Variants in GALNT17 observed in about 807,000 individuals in gnomAD.
GALNT17 encodes the protein UDP-GalNAc:polypeptide N-acetylgalactosaminyltransferase-like 3.
GALNT17 carries 29 observed loss-of-function variants against 63.7 expected under a neutral mutation model. That is an observed-to-expected ratio of 0.46 (90% CI 0.34 to 0.62). The LOEUF is 0.62. GALNT17 is among the 20% of genes least tolerant of loss of function. The pLI is 0.01. For missense variants in GALNT17, 603 were observed against 799.6 expected, an observed-to-expected ratio of 0.75 and a Z score of 2.97; for synonymous variants, 305 against 318.3, an observed-to-expected ratio of 0.96 and a Z score of 0.45.
chr7:71,415,000 C>T (rs1367421211), intron 3 of GALNT17, among the ~76,000 whole-genome samples: 1 of 151,252 alleles, frequency 6.6e-6, no homozygotes, highest in Non-Finnish European at 1.5e-5. Context: ...TTTTTAAATG[C>T]CTTTAGTTTT....
chr7:71,418,269 G>A (rs529689485), intron 4 of GALNT17, among the ~76,000 whole-genome samples: 51 of 152,142 alleles, frequency 3.4e-4, no homozygotes, highest in Non-Finnish European at 6.5e-4. Flanking sequence ...CCATTCAGAC[G>A]CATTTTCCAC....
At chr7:71,653,164 T>A (rs2204481) in intron 6 of GALNT17, among the ~76,000 whole-genome samples, 1 of 151,832 alleles carries the variant, frequency 6.6e-6, no homozygotes, top group Non-Finnish European at 1.5e-5. Flanking sequence ...TACAGGCACC[T>A]GCCACCACAC....
At chr7:71,594,538 C>T (rs371940270) in intron 6 of GALNT17, among the ~76,000 whole-genome samples, 1 of 152,066 alleles carries the variant, frequency 6.6e-6, no homozygotes, top group Admixed American at 6.6e-5. Context: ...GATCCGCCCA[C>T]CTCAGTCTCC....
At position 71,158,124 on chromosome 7, in the gene GALNT17, C is replaced by CT. The variant is rs71748616; in HGVS notation, c.238+25095dup. On this transcript the variant is annotated intron_variant, in intron 1 of 10. Coordinates refer to ENST00000333538, the MANE Select transcript of GALNT17 (RefSeq NM_022479.3). Reference sequence around the variant, plus strand: ...TATCTCTTTGATATATTGATTCCCCCTTTTTTTTTTTGGATCCATACTCAG... The same window carrying CT: ...TATCTCTTTGATATATTGATTCCCCCTTTTTTTTTTTTGGATCCATACTCAG... Among the ~76,000 whole-genome samples, 1,450 of 145,848 alleles carry CT rather than the reference C, an allele frequency of 9.9e-3. 38 individuals are homozygous for CT. The highest frequency in any genetic ancestry group is 0.03 in the African/African-American group (1,184 of 39,690).
intron 5 of GALNT17, among the ~76,000 whole-genome samples, chr7:71,559,464 A>G (rs554724097): frequency 6.6e-6 from 1 of 152,184 alleles, no homozygotes; most frequent in East Asian, 1.9e-4. Flanking sequence ...TTCTGCACTT[A>G]TTTGCATATG....
intron 2 of GALNT17, among the ~76,000 whole-genome samples, chr7:71,348,823 G>A (rs1325304316): frequency 6.6e-6 from 1 of 152,142 alleles, no homozygotes; most frequent in African/African-American, 2.4e-5. Flanking sequence ...TTGAGAGTTG[G>A]TACTTAAACA....
chr7:71,249,331 A>G (rs1048149518), intron 1 of GALNT17, among the ~76,000 whole-genome samples: 13 of 152,094 alleles, frequency 8.5e-5, no homozygotes, highest in African/African-American at 2.7e-4. Flanking sequence ...ATTTTGGGAG[A>G]CATGTCAGTG....
intron 6 of GALNT17, among the ~76,000 whole-genome samples, chr7:71,576,362 G>A (rs1439982577): frequency 1.3e-5 from 2 of 152,330 alleles, no homozygotes; most frequent in Middle Eastern, 3.4e-3. Flanking sequence ...TATTTTGGGT[G>A]TATATCCAGT....
chr7:71,533,272 G>A (rs912178566), intron 5 of GALNT17, among the ~76,000 whole-genome samples: 5 of 152,108 alleles, frequency 3.3e-5, no homozygotes, highest in African/African-American at 1.2e-4. Flanking sequence ...TAATAAATTA[G>A]GAAAGGAATC....
Position 71,134,768 on chromosome 7 carries a change from C to G in GALNT17, c.238+1728C>G, listed in dbSNP as rs557145136. Among the ~76,000 whole-genome samples the G allele has an allele frequency of 6.0e-5, 9 of 150,728 alleles. No homozygotes were observed. In the South Asian group the frequency reaches 1.9e-3, roughly 32 times the overall value. On this transcript the variant is annotated intron_variant, in intron 1 of 10. Transcript: ENST00000333538. ...ACCCATAGGAACTTCAAAGGTTAAC[C>G]TGGTTTCCCTCATCAGGCTTTTCTC...
intron 5 of GALNT17, among the ~76,000 whole-genome samples, chr7:71,496,917 T>TA (rs61150727): frequency 3.2e-4 from 46 of 145,356 alleles, no homozygotes; most frequent in South Asian, 6.5e-4. Flanking sequence ...ATACAAAAAT[T>TA]AAAAAAAAAA....
chr7:71,621,596 C>A (rs1790296656), intron 6 of GALNT17, among the ~76,000 whole-genome samples: 1 of 85,726 alleles, frequency 1.2e-5, no homozygotes, highest in African/African-American at 3.2e-5. Flanking sequence ...GATGGACAGA[C>A]AATGGATAAA....
chr7:71,443,726 T>TC (rs1787110355), intron 5 of GALNT17, among the ~76,000 whole-genome samples: 1 of 146,372 alleles, frequency 6.8e-6, no homozygotes, highest in African/African-American at 2.5e-5. Flanking sequence ...TCTGAGGTGT[T>TC]CCTTTTTTTT....
intron 5 of GALNT17, among the ~76,000 whole-genome samples, chr7:71,450,912 C>A (rs1384915120): frequency 7.8e-6 from 1 of 128,938 alleles, no homozygotes; most frequent in African/African-American, 3.0e-5. Flanking sequence ...GATTGCATGG[C>A]GTTTTTCTTT....
intron 1 of GALNT17, among the ~76,000 whole-genome samples, chr7:71,323,672 G>A (rs1226447796): frequency 3.9e-5 from 6 of 152,116 alleles, no homozygotes; most frequent in Admixed American, 6.5e-5. Context: ...ATGAAACGGC[G>A]CTTACCCATT....
At chr7:71,360,792 GC>G (rs1450404593) in intron 2 of GALNT17, among the ~76,000 whole-genome samples, 3 of 152,090 alleles carry the variant, frequency 2.0e-5, no homozygotes, top group Non-Finnish European at 4.4e-5. Flanking sequence ...ACAAAAATTA[GC>G]TGGGTATGGT....
chr7:71,712,283 A>G lies in GALNT17; in HGVS notation c.*137A>G. The stretch of plus-strand genomic sequence containing the variant: ...GGGCCCCCCAGGGCTTCTCCAGGGC[A>G]GCACAGGGACCCCGGATGAAGACTC... On this transcript the variant is annotated 3_prime_UTR_variant, in exon 11 of 11. Coordinates refer to ENST00000333538, the MANE Select transcript of GALNT17 (RefSeq NM_022479.3). 8.1e-7 allele frequency: 1 copy of G among 1,227,972 alleles called. No individual in the cohort carries two copies. The highest frequency in any genetic ancestry group is 1.1e-6 in the Non-Finnish European group (1 of 911,838). The allele number at this position is 1,227,972 out of a possible 1,614,324, so 76.1% of individuals were successfully genotyped here.
At chr7:71,587,361 A>G (rs973768132) in intron 6 of GALNT17, among the ~76,000 whole-genome samples, 10 of 152,122 alleles carry the variant, frequency 6.6e-5, no homozygotes, top group Admixed American at 3.9e-4. Flanking sequence ...GTACTTCAGT[A>G]TGGTTTTAAT....
intron 5 of GALNT17, among the ~76,000 whole-genome samples, chr7:71,543,286 C>T (rs938809297): frequency 1.1e-4 from 16 of 152,062 alleles, no homozygotes; most frequent in African/African-American, 3.6e-4. Flanking sequence ...GTCTTGCTTC[C>T]CAATGTGCTA....
Sources: gnomAD v4.1 joint callset for allele counts (sites outside exome capture counted in the v4.1 genomes callset) on GRCh38, gnomAD v4.1.1 for gene constraint, MANE v1.5 for transcripts, NCBI Gene and HGNC (gene_info 2026-07-23, HGNC 2026-07-21) for gene names.